CSMD2: variants seen among roughly 807,000 people sequenced by gnomAD.
The protein encoded by CSMD2 is CUB and sushi domain-containing protein 2.
Under a neutral mutation model 398.5 loss-of-function variants are expected in CSMD2, and 130 were observed. The ratio of observed to expected loss-of-function variants is 0.33; its 90% CI spans 0.28 to 0.38. The LOEUF is 0.38. Among genes scored for constraint, CSMD2 ranks in the 10% least tolerant of loss-of-function variants. CSMD2 has a pLI of 1.00. For synonymous variants in CSMD2, 1,828 were observed against 1,908.5 expected (o/e 0.96, Z 1.10); for missense variants, 3,829 against 4,764.9 (o/e 0.80, Z 5.78).
chr1:33,631,739 G>C (rs1173698580), intron 32 of CSMD2, among the ~76,000 whole-genome samples: 1 of 152,152 alleles, frequency 6.6e-6, no homozygotes. Flanking sequence ...TGGATGGGAA[G>C]AAGAGTTAAT....
intron 3 of CSMD2, among the ~76,000 whole-genome samples, chr1:33,968,626 T>C (rs1442178001): frequency 2.0e-5 from 3 of 152,182 alleles, no homozygotes; most frequent in African/African-American, 7.2e-5. Context: ...GGCCTCCACC[T>C]GACATCCACC....
At chr1:33,675,893 T>G (rs1378699456) in intron 25 of CSMD2, among the ~76,000 whole-genome samples, 1 of 152,178 alleles carries the variant, frequency 6.6e-6, no homozygotes, top group African/African-American at 2.4e-5. Flanking sequence ...AAAAGGCCTT[T>G]GACAAAATTC....
intron 44 of CSMD2, among the ~76,000 whole-genome samples, chr1:33,594,439 C>T: frequency 6.6e-6 from 1 of 152,174 alleles, no homozygotes; most frequent in Non-Finnish European, 1.5e-5. Flanking sequence ...CTTTCTCAGC[C>T]TGGATTCTTG....
chr1:34,095,901 C>G (rs918372637), intron 1 of CSMD2, among the ~76,000 whole-genome samples: 6 of 152,098 alleles, frequency 3.9e-5, no homozygotes, highest in African/African-American at 1.4e-4. Context: ...TCCTCCCTAA[C>G]TCATTTTATG....
intron 3 of CSMD2, among the ~76,000 whole-genome samples, chr1:33,946,804 T>C (rs1644854610): frequency 6.7e-6 from 1 of 150,026 alleles, no homozygotes; most frequent in Non-Finnish European, 1.5e-5. Flanking sequence ...TTTTTTTTTT[T>C]TGTATTTTTA....
intron 29 of CSMD2, among the ~76,000 whole-genome samples, chr1:33,642,573 T>C (rs529342843): frequency 2.0e-5 from 3 of 152,274 alleles, no homozygotes; most frequent in Admixed American, 6.5e-5. Flanking sequence ...GCCATCCTGA[T>C]TCCAGTCCTT....
rs1263793878 is a variant in CSMD2 at position 34,164,038 on chromosome 1, T to A, written c.187+873A>T. Among the ~76,000 whole-genome samples the A allele has an allele frequency of 1.3e-5, 2 of 152,014 alleles. No individual in the cohort carries two copies. Among genetic ancestry groups the A allele is most frequent in the East Asian group, 3.9e-4 (2 of 5,132 alleles). ...TAGATCTGCCCCTTCCCGGACTCGG[T>A]CGTCGGGAGCTGGTCCCGCCGCCCG... On this transcript the variant is annotated intron_variant, in intron 1 of 70. Transcript: ENST00000373381. This position sits in a 1 kb window ranked among gnomAD's most constrained non-coding sequence, Gnocchi z 6.2.
chr1:33,579,829 C>A (rs1638568911), intron 48 of CSMD2, among the ~76,000 whole-genome samples: 1 of 152,056 alleles, frequency 6.6e-6, no homozygotes, highest in Admixed American at 6.5e-5. Context: ...CAGGTGCATG[C>A]CACCATGCCT....
intron 1 of CSMD2, among the ~76,000 whole-genome samples, chr1:34,138,148 T>A (rs1011713727): frequency 6.6e-6 from 1 of 152,234 alleles, no homozygotes; most frequent in African/African-American, 2.4e-5. Context: ...GCTTTCTATT[T>A]ATTTAAAAGA....
chr1:33,684,963 A>G (rs985774375), intron 25 of CSMD2, among the ~76,000 whole-genome samples: 2 of 152,216 alleles, frequency 1.3e-5, no homozygotes, highest in African/African-American at 4.8e-5. Flanking sequence ...TCTCTCTACT[A>G]TTGAGGCTCT....
intron 1 of CSMD2, among the ~76,000 whole-genome samples, chr1:34,092,503 C>A (rs1318607884): frequency 1.3e-5 from 2 of 152,188 alleles, no homozygotes; most frequent in South Asian, 2.1e-4. Flanking sequence ...GTACCAGGTT[C>A]ATCTCACTAG....
chr1:33,766,250 C>G (rs775162434), intron 13 of CSMD2, among the ~76,000 whole-genome samples: 1 of 152,090 alleles, frequency 6.6e-6, no homozygotes, highest in Non-Finnish European at 1.5e-5. Flanking sequence ...TTTGCATAGG[C>G]CCAAACCCAG....
chr1:33,835,619 A>T (rs1390447311), intron 6 of CSMD2, among the ~76,000 whole-genome samples: 1 of 134,538 alleles, frequency 7.4e-6, no homozygotes, highest in African/African-American at 3.0e-5. Flanking sequence ...AACCTGCACA[A>T]TGTGTACATG....
intron 1 of CSMD2, among the ~76,000 whole-genome samples, chr1:34,091,826 T>A (rs1469951656): frequency 6.6e-6 from 1 of 152,132 alleles, no homozygotes; most frequent in African/African-American, 2.4e-5. Flanking sequence ...AACACCTGAT[T>A]AAGATTGGGA....
At chr1:33,844,020 C>A (rs900636687) in intron 6 of CSMD2, among the ~76,000 whole-genome samples, 1 of 152,210 alleles carries the variant, frequency 6.6e-6, no homozygotes, top group Admixed American at 6.5e-5. Context: ...TTTGACTCCA[C>A]CCTCACCTCT....
At chr1:33,781,824 G>A (rs938747059) in intron 12 of CSMD2, among the ~76,000 whole-genome samples, 1 of 152,154 alleles carries the variant, frequency 6.6e-6, no homozygotes, top group African/African-American at 2.4e-5. Context: ...ATTTCCCACA[G>A]CTGGTCGCCC....
In CSMD2 at chr1:33,819,725, G is replaced by C; in HGVS notation, c.1312C>G (p.Pro438Ala). ...DMFAAWSDHR[P>A]VCRARMCDAH... ...AGGGCACCCTCACCTCGGCAGACTGGCCTGTGGTCGCTCCAGGCCGCAAAC... is the reference window on the plus strand; with the variant it reads ...AGGGCACCCTCACCTCGGCAGACTGCCCTGTGGTCGCTCCAGGCCGCAAAC... The change falls in exon 9 of 71, where the codon CCA becomes GCA. Residue 438 changes from proline (P) to alanine (A), a missense_variant. This residue lies in a region of CSMD2 where 2,001 missense variants were observed against 2,567.1 expected (regional missense o/e 0.78). Coordinates refer to ENST00000373381, the MANE Select transcript of CSMD2 (RefSeq NM_001281956.2). 1 of 1,613,498 alleles carries C rather than the reference G, an allele frequency of 6.2e-7. No homozygotes were observed. The highest frequency in any genetic ancestry group is 8.5e-7 in the Non-Finnish European group (1 of 1,179,932).
At chr1:33,629,704 T>C (rs371581378) in intron 32 of CSMD2, among the ~76,000 whole-genome samples, 8 of 151,912 alleles carry the variant, frequency 5.3e-5, no homozygotes, top group African/African-American at 1.9e-4. Context: ...AAATGAGGAA[T>C]AAGGGACTCT....
At chr1:33,660,390 C>G (rs1307671523) in intron 26 of CSMD2, among the ~76,000 whole-genome samples, 1 of 152,138 alleles carries the variant, frequency 6.6e-6, no homozygotes, top group Admixed American at 6.5e-5. Context: ...GGCAAAGCAC[C>G]CGGGGAAAGG....
Sources: allele counts gnomAD v4.1 joint callset (sites outside exome capture counted in the v4.1 genomes callset), GRCh38; gene constraint gnomAD v4.1.1; regional missense constraint gnomAD v4.1.1; non-coding constraint Gnocchi (gnomAD v3.1); transcripts MANE v1.5; gene names NCBI Gene and HGNC (gene_info 2026-07-23, HGNC 2026-07-21).